FBXO42: variants seen among roughly 807,000 people sequenced by gnomAD.
FBXO42 encodes the protein F-box only protein 42.
In FBXO42, 12 loss-of-function variants were observed where a neutral mutation model predicts 71.7. That is an observed-to-expected ratio of 0.17 (90% CI 0.11 to 0.27). The LOEUF is 0.27. FBXO42 is among the 10% of genes least tolerant of loss of function. The pLI, the probability that FBXO42 is intolerant of heterozygous loss-of-function variation, is 1.00. For missense variants in FBXO42, 707 were observed against 911.9 expected (o/e 0.78, Z 2.89); for synonymous variants, 325 against 327.5 (o/e 0.99, Z 0.08).
At chr1:16,254,988 T>G (rs1221930145) in intron 6 of FBXO42, among the ~76,000 whole-genome samples, 3 of 152,150 alleles carry the variant, frequency 2.0e-5, no homozygotes, top group African/African-American at 7.2e-5. Context: ...AACCAACCTA[T>G]CACATTTGGA....
Position 16,252,786 on chromosome 1 carries a change from G to A in FBXO42, c.921+310C>T, listed in dbSNP as rs200182529. Among the ~76,000 whole-genome samples, 2 of 151,982 alleles carry A rather than the reference G, an allele frequency of 1.3e-5. No individual in the cohort carries two copies. Among genetic ancestry groups the A allele is most frequent in the East Asian group, 3.9e-4 (2 of 5,194 alleles). On this transcript the variant is annotated intron_variant, in intron 8 of 9. Coordinates refer to ENST00000375592, the MANE Select transcript of FBXO42 (RefSeq NM_018994.3). The surrounding 1 kb of genome is among the most constrained non-coding windows in gnomAD (Gnocchi z 4.4). ...CTGACAGTTATCAACCTGCTTTTTT[G>A]TTCCACTGCCCTCTCCCCTTTGAAA...
chr1:16,308,799 C>T (rs988190202), intron 2 of FBXO42, among the ~76,000 whole-genome samples: 9 of 121,854 alleles, frequency 7.4e-5, no homozygotes, highest in Admixed American at 3.2e-4. Flanking sequence ...GGCTGGAGTG[C>T]GTGGTGCAAT....
intron 4 of FBXO42, among the ~76,000 whole-genome samples, chr1:16,282,220 C>CTTTTTT (rs58853820): frequency 7.3e-6 from 1 of 136,250 alleles, no homozygotes. Flanking sequence ...GAGACATTTT[C>CTTTTTT]TTTTTTTTTT....
chr1:16,299,634 C>T (rs890307789), intron 3 of FBXO42, among the ~76,000 whole-genome samples: 3 of 151,854 alleles, frequency 2.0e-5, no homozygotes, highest in South Asian at 2.1e-4. Flanking sequence ...ATCAATAATA[C>T]GCTTAATTAT....
chr1:16,253,796 G>A (rs2081614407), intron 6 of FBXO42, 65 bp from the exon 7 acceptor site: 2 of 1,454,984 alleles, frequency 1.4e-6, no homozygotes, highest in Non-Finnish European at 1.9e-6. Flanking sequence ...TGGTGGCTGG[G>A]GAGTTCCACA....
chr1:16,255,633 C>G, intron 6 of FBXO42, 78 bp downstream of exon 6: 3 of 1,198,614 alleles, frequency 2.5e-6, no homozygotes, highest in Non-Finnish European at 3.6e-6. Flanking sequence ...GGCACCTGGT[C>G]CCTAATTCAC....
intron 1 of FBXO42, among the ~76,000 whole-genome samples, chr1:16,346,842 C>T (rs996059869): frequency 6.7e-5 from 10 of 150,108 alleles, no homozygotes; most frequent in Non-Finnish European, 1.5e-4. Context: ...GCAACCTCTG[C>T]CTCCTGGGTT....
chr1:16,305,997 G>A, intron 2 of FBXO42, 78 bp from the exon 3 acceptor site: 1 of 969,668 alleles, frequency 1.0e-6, no homozygotes. Context: ...TCTATTACCT[G>A]TTTTTATCAT....
intron 2 of FBXO42, among the ~76,000 whole-genome samples, chr1:16,311,503 A>T (rs7523813): frequency 0.23 from 14,805 of 63,580 alleles, 1,200 homozygotes; most frequent in African/African-American, 0.38. Flanking sequence ...AAAAAAAAAA[A>T]ATATATATAT....
At chr1:16,288,384 C>T (rs867217034) in intron 4 of FBXO42, among the ~76,000 whole-genome samples, 6 of 151,378 alleles carry the variant, frequency 4.0e-5, no homozygotes, top group Middle Eastern at 3.4e-3. Context: ...GAGCCCAGAT[C>T]GCACCACTGC....
intron 2 of FBXO42, among the ~76,000 whole-genome samples, chr1:16,312,980 A>G (rs931692229): frequency 6.6e-6 from 1 of 151,944 alleles, no homozygotes; most frequent in African/African-American, 2.4e-5. Flanking sequence ...TTTTTAGTAG[A>G]GATGAGGTTT....
chr1:16,279,552 G>A (rs2081938637), intron 4 of FBXO42, among the ~76,000 whole-genome samples: 1 of 152,172 alleles, frequency 6.6e-6, no homozygotes, highest in Non-Finnish European at 1.5e-5. Flanking sequence ...TCTCTAAGCT[G>A]TGAAAAAGTT....
chr1:16,315,582 C>G, intron 1 of FBXO42, 147 bp from the exon 2 acceptor site: 1 of 706,636 alleles, frequency 1.4e-6, no homozygotes, highest in Non-Finnish European at 2.3e-6. Flanking sequence ...ACTTGTGAGC[C>G]ACCTTAATTC....
chr1:16,349,079 A>T (rs941152838), intron 1 of FBXO42, among the ~76,000 whole-genome samples: 1 of 152,216 alleles, frequency 6.6e-6, no homozygotes, highest in Non-Finnish European at 1.5e-5. Context: ...TGCAGAAGCC[A>T]TAACTGGGGC....
chr1:16,277,846 G>A (rs2081921476), intron 4 of FBXO42, among the ~76,000 whole-genome samples: 1 of 148,998 alleles, frequency 6.7e-6, no homozygotes, highest in Non-Finnish European at 1.5e-5. Flanking sequence ...TTTGAGACCA[G>A]CCTGGGCAAC....
intron 1 of FBXO42, among the ~76,000 whole-genome samples, chr1:16,331,347 A>T (rs1037907267): frequency 6.6e-6 from 1 of 151,396 alleles, no homozygotes; most frequent in Non-Finnish European, 1.5e-5. Context: ...CGGGGGAGGC[A>T]GAGCTTGCAG....
intron 4 of FBXO42, among the ~76,000 whole-genome samples, chr1:16,257,562 CTAT>C (rs1169512650): frequency 6.6e-6 from 1 of 152,214 alleles, no homozygotes; most frequent in Non-Finnish European, 1.5e-5. Context: ...TTTTCAAAAT[CTAT>C]TGTCTTTGAA....
chr1:16,352,160 G>C, intron 1 of FBXO42, 95 bp downstream of exon 1: 1 of 390,282 alleles, frequency 2.6e-6, no homozygotes, highest in East Asian at 3.6e-5. Flanking sequence ...GCCTGCGTCA[G>C]ACCCCGGGCG....
intron 4 of FBXO42, among the ~76,000 whole-genome samples, chr1:16,259,647 T>C (rs2081686173): frequency 6.6e-6 from 1 of 151,820 alleles, no homozygotes; most frequent in South Asian, 2.1e-4. Flanking sequence ...ACGCCTGTAA[T>C]TCCAGCTACT....
Sources: allele counts gnomAD v4.1 joint callset (sites outside exome capture counted in the v4.1 genomes callset), GRCh38; gene constraint gnomAD v4.1.1; non-coding constraint Gnocchi (gnomAD v3.1); transcripts MANE v1.5; gene names NCBI Gene and HGNC (gene_info 2026-07-23, HGNC 2026-07-21).